The following RERGL variants were observed in gnomAD, a reference collection of about 807,000 sequenced individuals.
RERGL encodes the protein RERG like, also known as ras-related and estrogen-regulated growth inhibitor-like protein.
A neutral mutation model predicts 24.7 loss-of-function variants in RERGL; 22 were observed. That is an observed-to-expected ratio of 0.89 (90% CI 0.64 to 1.27). The LOEUF (loss-of-function observed/expected upper bound fraction) is 1.27. RERGL is among the 50% of genes most tolerant of loss of function. RERGL has a pLI of 0.00. For synonymous variants in RERGL, 76 were observed against 82.6 expected, an observed-to-expected ratio of 0.92 and a Z score of 0.43; for missense variants, 259 against 235.3, an observed-to-expected ratio of 1.10 and a Z score of -0.66.
chr12:18,081,127 T>C lies in RERGL; in HGVS notation c.*64A>G. The C allele has an allele frequency of 6.9e-7, 1 of 1,454,762 alleles. No homozygotes were observed. The highest frequency in any genetic ancestry group is 1.4e-5 in the South Asian group (1 of 72,192). 90.1% of individuals were successfully genotyped at this position (1,454,762 alleles called of 1,614,324 possible). Reference sequence around the variant, plus strand: ...AAAAAAAATTGCATACAAAGGTTAGTTTAATTATCATGTGAATGTTTGAAA... The same window carrying C: ...AAAAAAAATTGCATACAAAGGTTAGCTTAATTATCATGTGAATGTTTGAAA... On this transcript the variant is annotated 3_prime_UTR_variant, in exon 5 of 5. Coordinates refer to ENST00000538724, the MANE Select transcript of RERGL (RefSeq NM_001286201.2).
Position 18,088,954 on chromosome 12 carries a change from G to A in RERGL, c.55C>T (p.Leu19Phe), listed in dbSNP as rs759448822. Reference sequence around the variant, plus strand: ...CGCTTAGTAAGAAACCTCACTGTAAGGGCTGCAAAGCAAACAATCTAGATT... The same window carrying A: ...CGCTTAGTAAGAAACCTCACTGTAAAGGCTGCAAAGCAAACAATCTAGATT... ...LGGEGTGKSA[L>F]TVRFLTKRFI... is the part of the protein sequence containing the mutation. Residue 19 changes from leucine (L) to phenylalanine (F), a missense_variant and splice_region_variant, in exon 2 of 5, where the codon CTT (leucine) becomes TTT (phenylalanine). By Grantham distance (22) the Leu-to-Phe change is conservative. Transcript: ENST00000538724. 4.4e-6 allele frequency: 7 copies of A among 1,608,882 alleles called. No homozygotes were observed. Among genetic ancestry groups the A allele is most frequent in the Non-Finnish European group, 6.0e-6 (7 of 1,175,806 alleles).
At chr12:18,088,424 T>C (rs1043909830) in intron 2 of RERGL, among the ~76,000 whole-genome samples, 2 of 152,088 alleles carry the variant, frequency 1.3e-5, no homozygotes, top group African/African-American at 4.8e-5. Flanking sequence ...TTTCTACATT[T>C]ATATAAATGA....
intron 4 of RERGL, among the ~76,000 whole-genome samples, chr12:18,082,143 C>CAAAAAAA (rs529778796): frequency 1.7e-5 from 2 of 121,072 alleles, no homozygotes; most frequent in African/African-American, 3.1e-5. Context: ...TTGTCTCAAC[C>CAAAAAAA]AAAAAAAAAA....
Position 18,085,648 on chromosome 12 carries a change from T to C in RERGL, c.155A>G (p.Asn52Ser), listed in dbSNP as rs1947212244. ...AGAACAAGGGTCATATATTTCTAGA[T>C]TTAGTTGTTTCCTTTCCAAACACAA... The part of the protein sequence containing the change: ...KHLCLERKQL[N>S]LEIYDPCSQT... The change falls in exon 3 of 5, where the codon AAT (asparagine) becomes AGT (serine). Residue 52 changes from asparagine to serine, a missense_variant. Asn to Ser is a conservative substitution (Grantham distance 46). Transcript: ENST00000538724. 6.3e-7 allele frequency: 1 copy of C among 1,597,848 alleles called. No individual in the cohort carries two copies. The highest frequency in any genetic ancestry group is 8.6e-7 in the Non-Finnish European group (1 of 1,168,540).
chr12:18,081,190 A>G lies in RERGL; in HGVS notation c.*1T>C, dbSNP rs952252767. On this transcript the variant is annotated 3_prime_UTR_variant, in exon 5 of 5. Transcript: ENST00000538724. ...GGAAATCTCCCAGGATTACCTGTCT[A>G]CTAAACAGATTTCCTTCTCTTTCCA... is the stretch of plus-strand genomic sequence containing the variant. 14 of 1,599,586 alleles carry G rather than the reference A, an allele frequency of 8.8e-6. No individual in the cohort carries two copies. Among genetic ancestry groups the G allele is most frequent in the African/African-American group, 1.3e-5 (1 of 74,668 alleles).
At chr12:18,086,496 T>C (rs561548721) in intron 2 of RERGL, among the ~76,000 whole-genome samples, 1 of 152,224 alleles carries the variant, frequency 6.6e-6, no homozygotes, top group Non-Finnish European at 1.5e-5. Flanking sequence ...ATTCGCCTTA[T>C]TGGTAGCATT....
chr12:18,088,756 G>A, intron 2 of RERGL, 144 bp downstream of exon 2: 1 of 661,530 alleles, frequency 1.5e-6, no homozygotes, highest in African/African-American at 1.8e-5. Flanking sequence ...TATTTTGGCA[G>A]TTCTAATCAG....
chr12:18,081,110 T>C lies in RERGL; in HGVS notation c.*81A>G. 1.6e-6 allele frequency: 2 copies of C among 1,273,840 alleles called. No homozygotes were observed. Among genetic ancestry groups the C allele is most frequent in the South Asian group, 3.1e-5 (2 of 63,932 alleles). The allele number at this position is 1,273,840 out of a possible 1,614,324, so 78.9% of individuals were successfully genotyped here. A position where few individuals can be genotyped will look rare whatever the true frequency, so the allele number is the denominator to read the frequency against. On this transcript the variant is annotated 3_prime_UTR_variant, in exon 5 of 5. Transcript: ENST00000538724. ...GAGAATTCTTTTTACCAAAAAAAAA[T>C]TGCATACAAAGGTTAGTTTAATTAT...
In RERGL at chr12:18,090,130, AC is replaced by A; in HGVS notation, c.10del (p.Val4Ter). On this transcript the variant is annotated frameshift_variant, in exon 1 of 5. Transcript: ENST00000538724. LOFTEE classifies it high-confidence loss of function. Reference sequence around the variant, plus strand: ...TTCACCACCCAAGACAGCAAGCTTCACATCATTCATCTTGCTTTTCTGCTTC... The same window carrying A: ...TTCACCACCCAAGACAGCAAGCTTCAATCATTCATCTTGCTTTTCTGCTTC... Reference protein sequence around the residue: MNDVKLAVLGGEGT... With the variant: MNDXKLAVLGGEGT... The A allele has an allele frequency of 6.5e-7, 1 of 1,532,788 alleles. No individual in the cohort carries two copies. The highest frequency in any genetic ancestry group is 8.7e-7 in the Non-Finnish European group (1 of 1,145,524). 94.9% of individuals were successfully genotyped at this position (1,532,788 alleles called of 1,614,324 possible).
intron 4 of RERGL, 116 bp downstream of exon 4, chr12:18,084,401 G>T: frequency 2.2e-6 from 2 of 925,768 alleles, no homozygotes; most frequent in Non-Finnish European, 3.2e-6. Flanking sequence ...AAGGTGAATT[G>T]TTCAGGGCTG....
chr12:18,082,088 C>A (rs1224495067), intron 4 of RERGL, among the ~76,000 whole-genome samples: 1 of 147,778 alleles, frequency 6.8e-6, no homozygotes, highest in Non-Finnish European at 1.5e-5. Context: ...TGCCGTGAGC[C>A]AAGATTGTGC....
intron 4 of RERGL, among the ~76,000 whole-genome samples, chr12:18,082,972 A>C (rs922641942): frequency 6.6e-6 from 1 of 152,062 alleles, no homozygotes; most frequent in African/African-American, 2.4e-5. Flanking sequence ...GGCATAGAAC[A>C]CTGCAAATGT....
rs776146707 is a variant in RERGL at position 18,089,216 on chromosome 12, T to G, written c.53-260A>C. The G allele has an allele frequency of 5.6e-6, 9 of 1,603,214 alleles. No homozygotes were observed. The Admixed American group carries it at 8.6e-5, about 15-fold the overall frequency. ...CAGTTAATTCATTACCACAAAAACATAAGGCCACTTACCTTTTGTAACAGA... is the reference window on the plus strand; with the variant it reads ...CAGTTAATTCATTACCACAAAAACAGAAGGCCACTTACCTTTTGTAACAGA... On this transcript the variant is annotated intron_variant, in intron 1 of 4. Transcript: ENST00000538724.
chr12:18,087,605 T>C (rs2136833376), intron 2 of RERGL, among the ~76,000 whole-genome samples: 1 of 152,322 alleles, frequency 6.6e-6, no homozygotes, highest in Non-Finnish European at 1.5e-5. Context: ...GATTAGCTTT[T>C]CAAAAATGCC....
intron 2 of RERGL, among the ~76,000 whole-genome samples, chr12:18,087,772 G>A (rs1355519927): frequency 1.3e-5 from 2 of 151,978 alleles, no homozygotes; most frequent in Non-Finnish European, 2.9e-5. Flanking sequence ...TTAGTTCTGG[G>A]ACATTTTCTC....
At chr12:18,086,611 C>G (rs575521229) in intron 2 of RERGL, among the ~76,000 whole-genome samples, 1 of 152,086 alleles carries the variant, frequency 6.6e-6, no homozygotes, top group Admixed American at 6.5e-5. Flanking sequence ...CTTGTTGCTC[C>G]GTCTTAATCT....
intron 1 of RERGL, among the ~76,000 whole-genome samples, chr12:18,089,545 C>A (rs1947250914): frequency 6.6e-6 from 1 of 152,062 alleles, no homozygotes; most frequent in African/African-American, 2.4e-5. Context: ...CAAAACACAG[C>A]AAAACAAAAG....
At chr12:18,085,792 T>TATA in intron 2 of RERGL, 99 bp from the exon 3 acceptor site, 2 of 645,032 alleles carry the variant, frequency 3.1e-6, no homozygotes, top group South Asian at 3.8e-5. Flanking sequence ...ATTGTGCTCT[T>TATA]TTTATATTGC....
chr12:18,081,558 A>T, intron 4 of RERGL, 85 bp from the exon 5 acceptor site: 2 of 1,240,468 alleles, frequency 1.6e-6, no homozygotes, highest in Non-Finnish European at 2.2e-6. Flanking sequence ...TTTATAACCA[A>T]AGGATTATAA....
Sources: gnomAD v4.1 joint callset for allele counts (sites outside exome capture counted in the v4.1 genomes callset) on GRCh38, gnomAD v4.1.1 for gene constraint, MANE v1.5 for transcripts, NCBI Gene and HGNC (gene_info 2026-07-23, HGNC 2026-07-21) for gene names.